IL7: variants seen among roughly 807,000 people sequenced by gnomAD.
IL7 encodes interleukin-7.
IL7 carries 3 observed loss-of-function variants against 21.6 expected under a neutral mutation model. The observed-to-expected ratio is 0.14, with a 90% confidence interval of 0.06 to 0.36. IL7 has a LOEUF of 0.36. IL7 is among the 10% of genes least tolerant of loss of function. IL7 has a pLI of 1.00. For synonymous variants in IL7, 62 were observed against 68.1 expected (o/e 0.91, Z 0.44); for missense variants, 175 against 200.2 (o/e 0.87, Z 0.76).
intron 3 of IL7, among the ~76,000 whole-genome samples, chr8:78,692,288 G>A (rs762678841): frequency 1.3e-5 from 2 of 151,996 alleles, no homozygotes; most frequent in African/African-American, 2.4e-5. Flanking sequence ...GAGTACATGT[G>A]GTATTCACAT....
intron 2 of IL7, among the ~76,000 whole-genome samples, chr8:78,743,987 TG>T (rs1811887107): frequency 6.6e-6 from 1 of 152,118 alleles, no homozygotes; most frequent in Admixed American, 6.5e-5. Flanking sequence ...GGTATGAACC[TG>T]TTGCCAGGTG....
At chr8:78,701,088 C>T (rs1472977744) in intron 3 of IL7, among the ~76,000 whole-genome samples, 1 of 152,102 alleles carries the variant, frequency 6.6e-6, no homozygotes, top group African/African-American at 2.4e-5. Flanking sequence ...TAGGCAGTAT[C>T]ACCATTTTAA....
At chr8:78,681,869 A>G (rs542399727) in intron 4 of IL7, among the ~76,000 whole-genome samples, 1 of 148,636 alleles carries the variant, frequency 6.7e-6, no homozygotes, top group Admixed American at 6.7e-5. Context: ...TAATTCCTTC[A>G]TAATTTGAGT....
intron 2 of IL7, among the ~76,000 whole-genome samples, chr8:78,779,478 A>C (rs1586098000): frequency 6.6e-6 from 1 of 152,036 alleles, no homozygotes; most frequent in African/African-American, 2.4e-5. Context: ...GGCCTTTTCT[A>C]CATCTATTGA....
intron 2 of IL7, among the ~76,000 whole-genome samples, chr8:78,788,102 T>C (rs1419506781): frequency 6.6e-6 from 1 of 152,178 alleles, no homozygotes; most frequent in Non-Finnish European, 1.5e-5. Context: ...TAGTGATGGC[T>C]CTCTTTTCAC....
At chr8:78,735,276 C>CTTTTTTTTTTTTTTTGTTTTTTTTTTTT (rs1811537105) in intron 5 of IL7, among the ~76,000 whole-genome samples, 1 of 78,518 alleles carries the variant, frequency 1.3e-5, no homozygotes, top group Non-Finnish European at 2.3e-5. Flanking sequence ...CTTTTCTTTT[C>CTTTTTTTTTTTTTTTGTTTTTTTTTTTT]TTTTTTTTTT....
rs1188682526 is a variant in IL7, at chr8:78,708,676, T to TTTTTTC, written n.214+12671_214+12672insGAAAAA. Among the ~76,000 whole-genome samples the TTTTTTC allele has an allele frequency of 1.3e-5, 2 of 151,408 alleles. 1 individual carries two copies. On this transcript the variant is annotated intron_variant and non_coding_transcript_variant, in intron 3 of 4. Coordinates refer to the IL7 transcript ENST00000523959. Reference sequence around the variant, plus strand: ...CTTCTTCTAAAAGATGATTATCTTTTTTTTTTCTTTTTTTTTTTTTTGAGA... The same window carrying TTTTTTC: ...CTTCTTCTAAAAGATGATTATCTTTTTTTTTCTTTTTTCTTTTTTTTTTTTTTGAGA...
chr8:78,777,789 T>C (rs1290008442), intron 2 of IL7, among the ~76,000 whole-genome samples: 2 of 152,078 alleles, frequency 1.3e-5, no homozygotes, highest in Non-Finnish European at 2.9e-5. Context: ...TGAATGCTTT[T>C]CATCACAAAT....
intron 2 of IL7, among the ~76,000 whole-genome samples, chr8:78,789,963 C>G (rs984095522): frequency 7.2e-5 from 11 of 152,016 alleles, no homozygotes; most frequent in Admixed American, 6.6e-4. Context: ...GTAGAGATAT[C>G]TACTAGATAT....
In IL7 at chr8:78,693,950, T is replaced by C. The variant is rs984480815; in HGVS notation, n.215-8003A>G. On this transcript the variant is annotated intron_variant and non_coding_transcript_variant, in intron 3 of 4. Coordinates refer to the IL7 transcript ENST00000523959. The stretch of plus-strand genomic sequence containing the variant: ...GGATCCAGTTTCAGCTTTCTACATA[T>C]GGCTAGCCAGTTTTCCCAGCACCAT... Among the ~76,000 whole-genome samples the C allele has an allele frequency of 3.9e-5, 6 of 152,324 alleles. No homozygotes were observed. The East Asian group carries it at 1.2e-3, about 29-fold the overall frequency.
intron 3 of IL7, among the ~76,000 whole-genome samples, chr8:78,687,935 AT>A (rs1465767848): frequency 3.5e-5 from 5 of 143,162 alleles, no homozygotes; most frequent in Non-Finnish European, 4.5e-5. Context: ...TTATATCTAT[AT>A]TTTTATATAT....
intron 2 of IL7, among the ~76,000 whole-genome samples, chr8:78,786,083 T>A (rs1344494337): frequency 1.3e-5 from 2 of 152,210 alleles, no homozygotes; most frequent in Non-Finnish European, 2.9e-5. Context: ...TGTGATACTG[T>A]GAAATACAGT....
chr8:78,799,334 G>T (rs1416138275), intron 1 of IL7, among the ~76,000 whole-genome samples: 1 of 152,042 alleles, frequency 6.6e-6, no homozygotes, highest in Non-Finnish European at 1.5e-5. Context: ...ATTATATCAT[G>T]ATCTGTCATA....
intron 2 of IL7, among the ~76,000 whole-genome samples, chr8:78,781,960 A>G (rs1226037199): frequency 6.6e-6 from 1 of 152,064 alleles, no homozygotes; most frequent in Non-Finnish European, 1.5e-5. Context: ...TATTTCAGCA[A>G]GATAGTCCTC....
chr8:78,773,782 C>T (rs1235379743), intron 2 of IL7, among the ~76,000 whole-genome samples: 1 of 152,062 alleles, frequency 6.6e-6, no homozygotes, highest in Non-Finnish European at 1.5e-5. Flanking sequence ...GACTGAGATG[C>T]TTATCCACTT....
chr8:78,693,171 G>T (rs569117811), intron 3 of IL7, among the ~76,000 whole-genome samples: 1 of 152,112 alleles, frequency 6.6e-6, no homozygotes, highest in East Asian at 1.9e-4. Context: ...TTGCTATTGT[G>T]AATAGTGCCG....
At chr8:78,783,103 T>C (rs930011178) in intron 2 of IL7, among the ~76,000 whole-genome samples, 30 of 152,294 alleles carry the variant, frequency 2.0e-4, no homozygotes, top group African/African-American at 7.0e-4. Context: ...TCAGTCATCT[T>C]AGGCAGCAGG....
At chr8:78,722,406 TTA>T (rs1022729746) in intron 3 of IL7, among the ~76,000 whole-genome samples, 5 of 108,256 alleles carry the variant, frequency 4.6e-5, no homozygotes, top group South Asian at 2.8e-4. Flanking sequence ...TTTAAAATTT[TTA>T]TTTTTTGCTT....
At chr8:78,697,322 C>T (rs951229780) in intron 3 of IL7, 21 of 1,120,466 alleles carry the variant, frequency 1.9e-5, no homozygotes, top group African/African-American at 3.2e-5. Flanking sequence ...ATCCTAAACC[C>T]AAAGAATGTT....
Sources: allele counts gnomAD v4.1 joint callset (sites outside exome capture counted in the v4.1 genomes callset), GRCh38; gene constraint gnomAD v4.1.1; transcripts MANE v1.5; gene names NCBI Gene and HGNC (gene_info 2026-07-23, HGNC 2026-07-21).